The following RBM6 variants were observed in gnomAD, a reference collection of about 807,000 sequenced individuals.
The protein encoded by RBM6 is RNA-binding protein 6.
In RBM6, 23 loss-of-function variants were observed where a neutral mutation model predicts 140.4. The ratio of observed to expected loss-of-function variants is 0.16; its 90% confidence interval spans 0.12 to 0.23. The LOEUF is 0.23. Ranked by LOEUF, RBM6 falls within the 10% of genes least tolerant of loss-of-function variation. The pLI is 1.00. For missense variants in RBM6, 1,139 were observed against 1,386.7 expected, an observed-to-expected ratio of 0.82 and a Z score of 2.84; for synonymous variants, 439 against 475.6, an observed-to-expected ratio of 0.92 and a Z score of 1.00.
At chr3:50,040,761 A>G (rs2088871800) in intron 6 of RBM6, among the ~76,000 whole-genome samples, 2 of 151,274 alleles carry the variant, frequency 1.3e-5, no homozygotes, top group Non-Finnish European at 2.9e-5. Flanking sequence ...GGTTCAAGCA[A>G]CCCTCCCACC....
chr3:50,068,596 T>C, intron 17 of RBM6, 94 bp from the exon 18 acceptor site: 1 of 1,138,952 alleles, frequency 8.8e-7, no homozygotes, highest in Non-Finnish European at 1.3e-6. Context: ...TCAAAAGAGC[T>C]ACAATCCAAA....
chr3:49,963,297 G>A (rs1421697066), intron 2 of RBM6, among the ~76,000 whole-genome samples: 2 of 151,884 alleles, frequency 1.3e-5, no homozygotes, highest in East Asian at 1.9e-4. Context: ...GCAGTGGTGC[G>A]ATCTTGACTT....
intron 6 of RBM6, among the ~76,000 whole-genome samples, chr3:50,041,205 C>T (rs1365560449): frequency 6.6e-6 from 1 of 152,206 alleles, no homozygotes; most frequent in Non-Finnish European, 1.5e-5. Context: ...GCCCCTCAAC[C>T]TTACATTGGA....
intron 4 of RBM6, among the ~76,000 whole-genome samples, chr3:49,974,562 C>T (rs545742440): frequency 4.0e-5 from 6 of 150,222 alleles, no homozygotes; most frequent in African/African-American, 1.2e-4. Context: ...TTAGTAGAAA[C>T]GGGGTTTTAC....
intron 19 of RBM6, among the ~76,000 whole-genome samples, chr3:50,072,341 T>G (rs1575889163): frequency 1.4e-5 from 2 of 145,062 alleles, no homozygotes; most frequent in Admixed American, 7.0e-5. Flanking sequence ...ACATGGGAGG[T>G]GGAGGTTGCA....
rs2090116305 is a variant in RBM6 at position 50,066,238 on chromosome 3, C to G, written c.2683-4C>G. 1.2e-6 allele frequency: 2 copies of G among 1,606,566 alleles called. No homozygotes were observed. The highest frequency in any genetic ancestry group is 1.7e-6 in the Non-Finnish European group (2 of 1,174,982). On this transcript the variant is annotated splice_polypyrimidine_tract_variant and splice_region_variant and intron_variant, in intron 16 of 20. Coordinates refer to ENST00000266022, the MANE Select transcript of RBM6 (RefSeq NM_005777.3). ...GGTATTGATCCCTGGCCTTCTCCTT[C>G]CAGCCTAAAGTGGTAAACCCACTGA...
chr3:50,068,835 G>A (rs2108943650), intron 18 of RBM6, 71 bp downstream of exon 18: 2 of 1,352,664 alleles, frequency 1.5e-6, no homozygotes, highest in Admixed American at 1.8e-5. Flanking sequence ...TTCATAGGCT[G>A]TGCTGATCCC....
chr3:50,042,480 C>T (rs1233179338), intron 6 of RBM6, among the ~76,000 whole-genome samples: 1 of 152,144 alleles, frequency 6.6e-6, no homozygotes, highest in Non-Finnish European at 1.5e-5. Context: ...CGCCTGTAAT[C>T]TCAACACTTT....
intron 5 of RBM6, among the ~76,000 whole-genome samples, chr3:49,996,944 AC>A: frequency 6.6e-6 from 1 of 152,166 alleles, no homozygotes; most frequent in Non-Finnish European, 1.5e-5. Context: ...TGATCAGTTT[AC>A]CTATCCTTTC....
intron 1 of RBM6, among the ~76,000 whole-genome samples, chr3:49,941,279 C>T (rs2083269643): frequency 6.6e-6 from 1 of 152,088 alleles, no homozygotes; most frequent in Non-Finnish European, 1.5e-5. Context: ...TGAACCTTGT[C>T]TCAGAAACTA....
intron 11 of RBM6, among the ~76,000 whole-genome samples, chr3:50,060,104 G>T (rs2089875859): frequency 1.3e-5 from 2 of 152,088 alleles, no homozygotes; most frequent in African/African-American, 4.8e-5. Context: ...GTGCAATGAA[G>T]ATGCCTGTGA....
chr3:50,051,933 A>C (rs1477171600), intron 7 of RBM6, among the ~76,000 whole-genome samples: 1 of 152,196 alleles, frequency 6.6e-6, no homozygotes, highest in East Asian at 1.9e-4. Flanking sequence ...TAGGGGTAAG[A>C]ATGGGGGAGG....
At chr3:49,976,582 A>AT (rs1331308828) in intron 5 of RBM6, among the ~76,000 whole-genome samples, 21 of 152,306 alleles carry the variant, frequency 1.4e-4, no homozygotes, top group Admixed American at 1.4e-3. Flanking sequence ...TCAAGGTAGA[A>AT]TTTACAGGCT....
chr3:50,073,376 C>A (rs1321719403), intron 19 of RBM6, among the ~76,000 whole-genome samples: 1 of 152,128 alleles, frequency 6.6e-6, no homozygotes, highest in Non-Finnish European at 1.5e-5. Context: ...AGTAAAAGAA[C>A]AAGAGAGCTT....
rs572743582 is a variant in RBM6, at chr3:49,964,857, G to A, written c.44+2172G>A. On this transcript the variant is annotated intron_variant, in intron 2 of 20. Coordinates refer to ENST00000266022, the MANE Select transcript of RBM6 (RefSeq NM_005777.3). ...AATTTAGAACATTTGTCTTTGACTCGTTTAAACTTATTTAAAATTATATTT... is the reference window on the plus strand; with the variant it reads ...AATTTAGAACATTTGTCTTTGACTCATTTAAACTTATTTAAAATTATATTT... Among the ~76,000 whole-genome samples the A allele has an allele frequency of 2.6e-5, 4 of 152,174 alleles. No individual in the cohort carries two copies. The South Asian group carries it at 6.2e-4, about 24-fold the overall frequency.
At chr3:49,950,163 A>G (rs1048212591) in intron 1 of RBM6, among the ~76,000 whole-genome samples, 1 of 152,154 alleles carries the variant, frequency 6.6e-6, no homozygotes, top group South Asian at 2.1e-4. Context: ...AGGCGGTCAG[A>G]GTAACCCTTG....
Position 50,065,124 on chromosome 3 carries a change from C to G in RBM6, c.2680C>G (p.Pro894Ala). 6.2e-7 allele frequency: 1 copy of G among 1,605,152 alleles called. No individual in the cohort carries two copies. Residue 894 changes from proline (P) to alanine (A), a missense_variant and splice_region_variant, in exon 16 of 21, where the codon CCA (proline) becomes GCA (alanine). Coordinates refer to ENST00000266022, the MANE Select transcript of RBM6 (RefSeq NM_005777.3). ...TGTGAAGAAGGAAGAGAGTCCCCCT[C>G]CAGTAAGACCAACATTGATCCCCTG... ...PTVKKEESPP[P>A]PKVVNPLIGL...
intron 7 of RBM6, among the ~76,000 whole-genome samples, chr3:50,049,509 T>A (rs1042235435): frequency 6.6e-6 from 1 of 152,162 alleles, no homozygotes; most frequent in Admixed American, 6.6e-5. Flanking sequence ...ATGAAAAATA[T>A]ATAAAGTTTC....
At chr3:49,956,328 C>CGTTTTTT in intron 1 of RBM6, among the ~76,000 whole-genome samples, 1 of 72,052 alleles carries the variant, frequency 1.4e-5, no homozygotes, top group South Asian at 4.6e-4. Context: ...CCCTCCCCCG[C>CGTTTTTT]TTTTTTTTTT....
Sources: allele counts gnomAD v4.1 joint callset (sites outside exome capture counted in the v4.1 genomes callset), GRCh38; gene constraint gnomAD v4.1.1; transcripts MANE v1.5; gene names NCBI Gene and HGNC (gene_info 2026-07-23, HGNC 2026-07-21).